Variants in GALNT18 observed in about 807,000 individuals in gnomAD.
The protein encoded by GALNT18 is GalNAc-transferase 18.
GALNT18 carries 44 observed loss-of-function variants against 69.5 expected under a neutral mutation model. The observed-to-expected ratio is 0.63, with a 90% CI of 0.50 to 0.81. The LOEUF is 0.81. Ranked by LOEUF, GALNT18 falls within the 40% of genes least tolerant of loss-of-function variation. GALNT18 has a pLI of 0.00. For missense variants in GALNT18, 715 were observed against 810.0 expected, an observed-to-expected ratio of 0.88 and a Z score of 1.42; for synonymous variants, 364 against 318.2, an observed-to-expected ratio of 1.14 and a Z score of -1.53.
At chr11:11,400,336 G>A (rs745833811) in intron 3 of GALNT18, among the ~76,000 whole-genome samples, 3 of 152,130 alleles carry the variant, frequency 2.0e-5, no homozygotes, top group Non-Finnish European at 4.4e-5. Context: ...TGTTAAGACT[G>A]GTATAATTTG....
At position 11,383,346 on chromosome 11, in the gene GALNT18, G is replaced by T. The variant is rs531750366; in HGVS notation, c.596-4082C>A. Among the ~76,000 whole-genome samples, 1 of 152,172 alleles carries T rather than the reference G, an allele frequency of 6.6e-6. No homozygotes were observed. Among genetic ancestry groups the T allele is most frequent in the Non-Finnish European group, 1.5e-5 (1 of 68,024 alleles). ...TCCACAACCACTAGCAGGCTGAGCC[G>T]GAAGGGTCTGGCATGGAGGCTGTTA... On this transcript the variant is annotated intron_variant, in intron 3 of 10. Coordinates refer to ENST00000227756, the MANE Select transcript of GALNT18 (RefSeq NM_198516.3). The surrounding 1 kb of genome is among the most constrained non-coding windows in gnomAD (Gnocchi z 5.2).
Position 11,379,262 on chromosome 11 carries a change from C to G in GALNT18, c.598G>C (p.Glu200Gln). Residue 200 changes from glutamate to glutamine, a missense_variant and splice_region_variant, in exon 4 of 11, where the codon GAA (glutamate) becomes CAA (glutamine). Coordinates refer to ENST00000227756, the MANE Select transcript of GALNT18 (RefSeq NM_198516.3). Reference sequence around the variant, plus strand: ...TATTCGGTCAGCTTCTCCTTCAGTTCCTCTGTCAGGGAGAAAATGCAGCCT... The same window carrying G: ...TATTCGGTCAGCTTCTCCTTCAGTTGCTCTGTCAGGGAGAAAATGCAGCCT... Reference protein sequence around the residue: ...ILVDDNSSNEELKEKLTEYVD... With the variant: ...ILVDDNSSNEQLKEKLTEYVD... 1.2e-6 allele frequency: 2 copies of G among 1,611,478 alleles called. No individual in the cohort carries two copies. The highest frequency in any genetic ancestry group is 1.7e-6 in the Non-Finnish European group (2 of 1,179,122).
chr11:11,417,124 GA>G (rs1482387338), intron 3 of GALNT18, among the ~76,000 whole-genome samples: 3 of 152,218 alleles, frequency 2.0e-5, no homozygotes, highest in Non-Finnish European at 4.4e-5. Flanking sequence ...GATGGCATCT[GA>G]GTCTACAACC....
rs966198687 is a variant in GALNT18 at position 11,396,772 on chromosome 11, G to T, written c.596-17508C>A. Among the ~76,000 whole-genome samples the T allele has an allele frequency of 6.6e-6, 1 of 152,136 alleles. No individual in the cohort carries two copies. The highest frequency in any genetic ancestry group is 2.4e-5 in the African/African-American group (1 of 41,426). ...CAGTTGATGCTCTGACCAGATGGAG[G>T]GAGAGAGAGGCTGTATTTCTGGCCC... On this transcript the variant is annotated intron_variant, in intron 3 of 10. Coordinates refer to ENST00000227756, the MANE Select transcript of GALNT18 (RefSeq NM_198516.3). The surrounding 1 kb of genome is among the most constrained non-coding windows in gnomAD (Gnocchi z 5.2).
intron 1 of GALNT18, among the ~76,000 whole-genome samples, chr11:11,502,790 T>C (rs1004358888): frequency 3.3e-5 from 5 of 152,348 alleles, no homozygotes; most frequent in African/African-American, 9.6e-5. Context: ...TTGCCAGTCA[T>C]GAGAGGCGTA....
At position 11,494,662 on chromosome 11, in the gene GALNT18, T is replaced by C. The variant is rs1004446552; in HGVS notation, c.236-45726A>G. Among the ~76,000 whole-genome samples the C allele has an allele frequency of 6.6e-6, 1 of 152,198 alleles. No individual in the cohort carries two copies. Among genetic ancestry groups the C allele is most frequent in the Non-Finnish European group, 1.5e-5 (1 of 68,042 alleles). ...ACACAGCCTCAGCCTTTTTTGCTTT[T>C]AAGTGCAGAGGATTGGGGTGGATTT... On this transcript the variant is annotated intron_variant, in intron 1 of 10. Coordinates refer to ENST00000227756, the MANE Select transcript of GALNT18 (RefSeq NM_198516.3). The surrounding 1 kb of genome is among the most constrained non-coding windows in gnomAD (Gnocchi z 5.7).
In GALNT18 at chr11:11,563,695, T is replaced by A. The variant is rs1858571908; in HGVS notation, c.235+57664A>T. ...CGGCAAGTGGGATTCAAACCCAGGC[T>A]TCCCAACGCCAAGTCTAACACTCTC... On this transcript the variant is annotated intron_variant, in intron 1 of 10. Coordinates refer to ENST00000227756, the MANE Select transcript of GALNT18 (RefSeq NM_198516.3). This position sits in a 1 kb window ranked among gnomAD's most constrained non-coding sequence, Gnocchi z 4.6. Among the ~76,000 whole-genome samples the A allele has an allele frequency of 6.6e-6, 1 of 152,188 alleles. No homozygotes were observed. The highest frequency in any genetic ancestry group is 1.9e-4 in the East Asian group (1 of 5,190).
intron 6 of GALNT18, among the ~76,000 whole-genome samples, chr11:11,360,995 G>C (rs1373663367): frequency 6.6e-6 from 1 of 152,098 alleles, no homozygotes; most frequent in South Asian, 2.1e-4. Context: ...TGGAGGGAGG[G>C]GTCAAACATT....
rs989994623 is a variant in GALNT18 at position 11,341,087 on chromosome 11, G to A, written c.1093-83C>T. On this transcript the variant is annotated intron_variant, in intron 6 of 10. Coordinates refer to ENST00000227756, the MANE Select transcript of GALNT18 (RefSeq NM_198516.3). This position sits in a 1 kb window ranked among gnomAD's most constrained non-coding sequence, Gnocchi z 6.3. ...GGCCTCAGGCAGCCACTTGACATGA[G>A]CAGGAAGAAAGTCAGCCCCTTCACC... The A allele has an allele frequency of 5.8e-6, 8 of 1,373,188 alleles. No individual in the cohort carries two copies. Among genetic ancestry groups the A allele is most frequent in the African/African-American group, 5.8e-5 (4 of 69,136 alleles). 85.1% of individuals were successfully genotyped at this position (1,373,188 alleles called of 1,614,324 possible). A position where few individuals can be genotyped will look rare whatever the true frequency, so the allele number is the denominator to read the frequency against.
At chr11:11,358,518 C>T (rs796511267) in intron 6 of GALNT18, among the ~76,000 whole-genome samples, 2 of 140,032 alleles carry the variant, frequency 1.4e-5, no homozygotes, top group South Asian at 4.4e-4. Context: ...TTCTAATAAT[C>T]ATTGAAATTA....
At chr11:11,524,365 T>C (rs1742924735) in intron 1 of GALNT18, among the ~76,000 whole-genome samples, 1 of 152,208 alleles carries the variant, frequency 6.6e-6, no homozygotes, top group African/African-American at 2.4e-5. Flanking sequence ...CTCTGTGAAA[T>C]ATTACACATA....
rs1484843946 is a variant in GALNT18, at chr11:11,542,646, A to G, written c.235+78713T>C. On this transcript the variant is annotated intron_variant, in intron 1 of 10. Transcript: ENST00000227756. The surrounding 1 kb of genome is among the most constrained non-coding windows in gnomAD (Gnocchi z 4.3). Reference sequence around the variant, plus strand: ...AACATTGATTCTGGACTTAGGCAGCATGGGTTCAAATCTCTGCTACTTTCT... The same window carrying G: ...AACATTGATTCTGGACTTAGGCAGCGTGGGTTCAAATCTCTGCTACTTTCT... 2.0e-5 allele frequency among the ~76,000 whole-genome samples: 3 copies of G among 152,346 alleles called. No individual in the cohort carries two copies. The highest frequency in any genetic ancestry group is 4.8e-5 in the African/African-American group (2 of 41,594).
intron 1 of GALNT18, among the ~76,000 whole-genome samples, chr11:11,536,951 T>G (rs563701504): frequency 6.6e-6 from 1 of 152,378 alleles, no homozygotes; most frequent in East Asian, 1.9e-4. Context: ...CTGAAGTATG[T>G]GTGGTGCTGG....
intron 1 of GALNT18, among the ~76,000 whole-genome samples, chr11:11,576,518 G>A (rs1858928105): frequency 6.6e-6 from 1 of 152,184 alleles, no homozygotes; most frequent in African/African-American, 2.4e-5. Flanking sequence ...TGTACTCTAG[G>A]TCATCCCAGG....
chr11:11,349,627 G>T (rs940972209), intron 6 of GALNT18, among the ~76,000 whole-genome samples: 1 of 152,186 alleles, frequency 6.6e-6, no homozygotes, highest in Non-Finnish European at 1.5e-5. Flanking sequence ...TCCTCACCAA[G>T]ACACTAAACA....
At chr11:11,418,687 T>C (rs915930667) in intron 3 of GALNT18, among the ~76,000 whole-genome samples, 1 of 152,230 alleles carries the variant, frequency 6.6e-6, no homozygotes. Flanking sequence ...AAACACTTTC[T>C]CATCGGTCTT....
rs1021253513 is a variant in GALNT18, at chr11:11,430,563, G to A, written c.595+2058C>T. Among the ~76,000 whole-genome samples, 1 of 152,216 alleles carries A rather than the reference G, an allele frequency of 6.6e-6. No homozygotes were observed. The highest frequency in any genetic ancestry group is 2.4e-5 in the African/African-American group (1 of 41,454). The stretch of plus-strand genomic sequence containing the variant: ...TTGTGAAAGGTCTAGGGTGCTGCTC[G>A]TCTGCATCCCTGATGACGGACTACT... On this transcript the variant is annotated intron_variant, in intron 3 of 10. Coordinates refer to ENST00000227756, the MANE Select transcript of GALNT18 (RefSeq NM_198516.3). The surrounding 1 kb of genome is among the most constrained non-coding windows in gnomAD (Gnocchi z 4.9).
intron 3 of GALNT18, among the ~76,000 whole-genome samples, chr11:11,429,999 G>A (rs914526542): frequency 1.7e-4 from 26 of 151,934 alleles, no homozygotes; most frequent in African/African-American, 4.1e-4. Context: ...ACATTAGCCC[G>A]GCATGGTGGA....
intron 1 of GALNT18, among the ~76,000 whole-genome samples, chr11:11,549,973 T>C (rs1858150968): frequency 6.6e-6 from 1 of 152,222 alleles, no homozygotes; most frequent in Non-Finnish European, 1.5e-5. Context: ...CTCTGGCCAC[T>C]GGAGCTTACT....
Sources: allele counts gnomAD v4.1 joint callset (sites outside exome capture counted in the v4.1 genomes callset), GRCh38; gene constraint gnomAD v4.1.1; non-coding constraint Gnocchi (gnomAD v3.1); transcripts MANE v1.5; gene names NCBI Gene and HGNC (gene_info 2026-07-23, HGNC 2026-07-21).